The following PRMT8 variants were observed in gnomAD, a reference collection of about 807,000 sequenced individuals.
PRMT8 encodes protein arginine methyltransferase 8, also known as protein arginine N-methyltransferase 8.
A neutral mutation model predicts 47.1 loss-of-function variants in PRMT8; 7 were observed. The ratio of observed to expected loss-of-function variants is 0.15; its 90% CI spans 0.08 to 0.28. The LOEUF is 0.28. Ranked by LOEUF, PRMT8 falls within the 10% of genes least tolerant of loss-of-function variation. PRMT8 has a pLI of 1.00. For missense variants in PRMT8, 237 were observed against 505.4 expected, an observed-to-expected ratio of 0.47 and a Z score of 5.09; for synonymous variants, 188 against 186.5, an observed-to-expected ratio of 1.01 and a Z score of -0.07.
At chr12:3,433,644 C>T (rs560562350) in intron 1 of PRMT8, among the ~76,000 whole-genome samples, 1 of 152,178 alleles carries the variant, frequency 6.6e-6, no homozygotes, top group Admixed American at 6.5e-5. Flanking sequence ...TGAAGTCTCG[C>T]TCTGTCACCC....
chr12:3,566,569 T>C lies in PRMT8; in HGVS notation c.482-2137T>C, dbSNP rs758115582. Among the ~76,000 whole-genome samples the C allele has an allele frequency of 2.4e-4, 37 of 152,194 alleles. No homozygotes were observed. Among genetic ancestry groups the C allele is most frequent in the African/African-American group, 6.0e-4 (25 of 41,458 alleles). ...TAAAGCTTGATTAAATACCACATAG[T>C]GGAGAGTAAACTGTTATTAGAAGCT... On this transcript the variant is annotated intron_variant, in intron 4 of 9. Transcript: ENST00000382622. This position sits in a 1 kb window ranked among gnomAD's most constrained non-coding sequence, Gnocchi z 4.7.
intron 1 of PRMT8, among the ~76,000 whole-genome samples, chr12:3,416,406 GGT>G (rs1488301171): frequency 6.6e-6 from 1 of 152,176 alleles, no homozygotes. Context: ...TTCTTTGGCT[GGT>G]GTCAGTCTTC....
intron 2 of PRMT8, 29 bp downstream of exon 2, chr12:3,540,820 G>T: frequency 6.2e-7 from 1 of 1,600,480 alleles, no homozygotes; most frequent in Non-Finnish European, 8.5e-7. Flanking sequence ...GTGGCTAATG[G>T]GGCGAGGCTG....
At chr12:3,382,834 G>C (rs1864105648) in intron 1 of PRMT8, among the ~76,000 whole-genome samples, 1 of 152,118 alleles carries the variant, frequency 6.6e-6, no homozygotes, top group Non-Finnish European at 1.5e-5. Context: ...TTTTCTAAAA[G>C]TGTTATAGTT....
rs188333821 is a variant in PRMT8, at chr12:3,443,285, A to G, written c.48+61843A>G. ...GTGATAGCATTAAACTTTATAAGCT[A>G]TTAATAACCAAATTCACTATGTCCA... On this transcript the variant is annotated intron_variant, in intron 1 of 9. Coordinates refer to the PRMT8 transcript ENST00000452611. Among the ~76,000 whole-genome samples, 316 of 152,320 alleles carry G rather than the reference A, an allele frequency of 2.1e-3. 2 individuals carry two copies. Among genetic ancestry groups the G allele is most frequent in the African/African-American group, 7.3e-3 (304 of 41,566 alleles).
At chr12:3,473,213 C>CA (rs1865177211) in intron 1 of PRMT8, among the ~76,000 whole-genome samples, 1 of 152,138 alleles carries the variant, frequency 6.6e-6, no homozygotes, top group African/African-American at 2.4e-5. Flanking sequence ...CTGACTTTCA[C>CA]AGCTCCCCTC....
chr12:3,569,286 A>C lies in PRMT8; in HGVS notation c.625-191A>C, dbSNP rs576420623. 6.6e-6 allele frequency among the ~76,000 whole-genome samples: 1 copy of C among 152,148 alleles called. No individual in the cohort carries two copies. The highest frequency in any genetic ancestry group is 2.1e-4 in the South Asian group (1 of 4,804). ...CTATTGACTCCACCTAGGTCCCTTA[A>C]ATTTTCCTTGCTCCAAAATAAAAAT... On this transcript the variant is annotated intron_variant, in intron 5 of 9. Transcript: ENST00000382622. This position sits in a 1 kb window ranked among gnomAD's most constrained non-coding sequence, Gnocchi z 8.2.
chr12:3,558,502 TC>T (rs1231026011), intron 4 of PRMT8, among the ~76,000 whole-genome samples: 1 of 152,216 alleles, frequency 6.6e-6, no homozygotes, highest in African/African-American at 2.4e-5. Flanking sequence ...TCATGTTTTG[TC>T]AATTGTCTGA....
At chr12:3,469,210 T>C (rs1159977468) in intron 1 of PRMT8, 2 of 475,086 alleles carry the variant, frequency 4.2e-6, no homozygotes, top group East Asian at 6.0e-5. Flanking sequence ...CAGGAACAGA[T>C]CTAGTGAAGC....
chr12:3,555,830 G>A (rs994802770), intron 4 of PRMT8, among the ~76,000 whole-genome samples: 1 of 116,298 alleles, frequency 8.6e-6, no homozygotes, highest in African/African-American at 2.9e-5. Flanking sequence ...AGAGAAGCAA[G>A]GATTCTTTTT....
rs1050129844 is a variant in PRMT8 at position 3,535,849 on chromosome 12, C to G, written c.76-4757C>G. 6.6e-6 allele frequency among the ~76,000 whole-genome samples: 1 copy of G among 152,192 alleles called. No homozygotes were observed. Among genetic ancestry groups the G allele is most frequent in the African/African-American group, 2.4e-5 (1 of 41,452 alleles). On this transcript the variant is annotated intron_variant, in intron 1 of 9. Coordinates refer to ENST00000382622, the MANE Select transcript of PRMT8 (RefSeq NM_019854.5). This position sits in a 1 kb window ranked among gnomAD's most constrained non-coding sequence, Gnocchi z 4.7. ...ATTCCAAATCCTTTTGCTGACTTCTCAGACTATGTATACAAGATTGGAGTT... is the reference window on the plus strand; with the variant it reads ...ATTCCAAATCCTTTTGCTGACTTCTGAGACTATGTATACAAGATTGGAGTT...
At chr12:3,509,711 G>A (rs936867873) in intron 1 of PRMT8, among the ~76,000 whole-genome samples, 4 of 152,214 alleles carry the variant, frequency 2.6e-5, no homozygotes, top group Non-Finnish European at 1.5e-5. Flanking sequence ...GGCTGTATCA[G>A]TCACAGAGGA....
chr12:3,427,835 T>G (rs1864622806), intron 1 of PRMT8, among the ~76,000 whole-genome samples: 1 of 152,220 alleles, frequency 6.6e-6, no homozygotes, highest in African/African-American at 2.4e-5. Context: ...CCCCTCTTTT[T>G]TTCCCTTTTT....
rs2137217846 is a variant in PRMT8 at position 3,576,158 on chromosome 12, C to T, written c.713-713C>T. Among the ~76,000 whole-genome samples the T allele has an allele frequency of 6.6e-6, 1 of 152,284 alleles. No individual in the cohort carries two copies. The highest frequency in any genetic ancestry group is 2.1e-4 in the South Asian group (1 of 4,824). ...CAAAGGGGACAAGGAGCACGGCTGA[C>T]AAGGAGAGGGTTTGTGCTCCACTTG... On this transcript the variant is annotated intron_variant, in intron 6 of 9. Transcript: ENST00000382622. The surrounding 1 kb of genome is among the most constrained non-coding windows in gnomAD (Gnocchi z 4.0).
upstream of PRMT8, among the ~76,000 whole-genome samples, chr12:3,489,218 GA>G (rs893751729): frequency 6.6e-6 from 1 of 152,058 alleles, no homozygotes; most frequent in African/African-American, 2.4e-5. Context: ...TTTCAACAGC[GA>G]AAGGAGGAAA....
At chr12:3,407,770 G>C (rs1029228953) in intron 1 of PRMT8, among the ~76,000 whole-genome samples, 1 of 152,044 alleles carries the variant, frequency 6.6e-6, no homozygotes, top group African/African-American at 2.4e-5. Context: ...ATTGCTTAAT[G>C]GTGCATCATA....
At chr12:3,413,921 G>A (rs975107410) in intron 1 of PRMT8, among the ~76,000 whole-genome samples, 3 of 152,090 alleles carry the variant, frequency 2.0e-5, no homozygotes, top group Non-Finnish European at 4.4e-5. Flanking sequence ...TTTATATAAG[G>A]GACTTGAACA....
chr12:3,438,739 T>G (rs1157058011), intron 1 of PRMT8, among the ~76,000 whole-genome samples: 3 of 152,244 alleles, frequency 2.0e-5, no homozygotes, highest in Admixed American at 6.5e-5. Context: ...CAGACTGACT[T>G]CAGTCACTGG....
chr12:3,483,877 T>C (rs1188613922), intron 1 of PRMT8, among the ~76,000 whole-genome samples: 2 of 152,206 alleles, frequency 1.3e-5, no homozygotes, highest in Non-Finnish European at 2.9e-5. Context: ...TAGCCTGTAT[T>C]GCTGAGAAAT....
Sources: allele counts gnomAD v4.1 joint callset (sites outside exome capture counted in the v4.1 genomes callset), GRCh38; gene constraint gnomAD v4.1.1; non-coding constraint Gnocchi (gnomAD v3.1); transcripts MANE v1.5; gene names NCBI Gene and HGNC (gene_info 2026-07-23, HGNC 2026-07-21).